Variants in ERC2 observed in about 807,000 individuals in gnomAD.
ERC2 encodes ERC protein 2.
A neutral mutation model predicts 114.8 loss-of-function variants in ERC2; 42 were observed. That is an observed-to-expected ratio of 0.37 (90% confidence interval 0.29 to 0.47). The LOEUF is 0.47. Ranked by LOEUF, ERC2 falls within the 20% of genes least tolerant of loss-of-function variation. The pLI is 0.99. For missense variants in ERC2, 939 were observed against 1,150.7 expected (o/e 0.82, Z 2.66); for synonymous variants, 454 against 425.5 (o/e 1.07, Z -0.82).
intron 4 of ERC2, among the ~76,000 whole-genome samples, chr3:56,169,121 A>G (rs984506177): frequency 6.6e-6 from 1 of 152,080 alleles, no homozygotes; most frequent in South Asian, 2.1e-4. Flanking sequence ...TGGCTTCTTA[A>G]TCCACTTTAG....
chr3:55,972,848 T>C (rs986775229), intron 12 of ERC2, among the ~76,000 whole-genome samples: 5 of 152,044 alleles, frequency 3.3e-5, no homozygotes, highest in East Asian at 3.9e-4. Context: ...TGCAGGTATA[T>C]AGAAAGAAAG....
At chr3:56,032,913 A>AGAGAGAGAGAC (rs1560056241) in intron 7 of ERC2, among the ~76,000 whole-genome samples, 67 of 68,574 alleles carry the variant, frequency 9.8e-4, no homozygotes, top group South Asian at 2.3e-3. Flanking sequence ...GAAAGAAAGA[A>AGAGAGAGAGAC]AGAAAGAAAG....
chr3:56,070,454 A>G (rs2076679773), intron 7 of ERC2, among the ~76,000 whole-genome samples: 1 of 82,858 alleles, frequency 1.2e-5, no homozygotes, highest in Non-Finnish European at 2.6e-5. Context: ...AAGTAATTAT[A>G]AACAAACCTT....
chr3:55,844,558 G>A (rs773904147), intron 14 of ERC2, among the ~76,000 whole-genome samples: 2 of 152,136 alleles, frequency 1.3e-5, no homozygotes, highest in Non-Finnish European at 2.9e-5. Flanking sequence ...GACTAGGAAG[G>A]CAAGACTTCT....
At chr3:56,023,997 A>G (rs1009868469) in intron 7 of ERC2, among the ~76,000 whole-genome samples, 2 of 152,172 alleles carry the variant, frequency 1.3e-5, no homozygotes, top group Non-Finnish European at 2.9e-5. Flanking sequence ...AATATACCCA[A>G]ATGTATCTTT....
rs1560056241 is a variant in ERC2, at chr3:56,032,913, A to AGAG, written c.1642-13883_1642-13882insCTC. Among the ~76,000 whole-genome samples, 205 of 68,552 alleles carry AGAG rather than the reference A, an allele frequency of 3.0e-3. 2 individuals are homozygous for AGAG. Among genetic ancestry groups the AGAG allele is most frequent in the Admixed American group, 0.01 (51 of 4,980 alleles). The allele number at this position is 68,552 out of a possible 152,430, so 45.0% of individuals were successfully genotyped here. A position where few individuals can be genotyped will look rare whatever the true frequency, so the allele number is the denominator to read the frequency against. On this transcript the variant is annotated intron_variant, in intron 7 of 17. Transcript: ENST00000288221. ...AGAGAGAGAGAGACAGAAAGAAAGA[A>AGAG]AGAAAGAAAGAAAGAAAGAAAGAAA...
intron 3 of ERC2, among the ~76,000 whole-genome samples, chr3:56,189,258 G>A (rs1254737640): frequency 6.6e-6 from 1 of 152,214 alleles, no homozygotes; most frequent in African/African-American, 2.4e-5. Context: ...CCAGACCACT[G>A]CTCTCTTCTA....
chr3:55,993,822 T>G (rs897292252), intron 10 of ERC2, among the ~76,000 whole-genome samples: 2 of 152,132 alleles, frequency 1.3e-5, no homozygotes, highest in Non-Finnish European at 1.5e-5. Flanking sequence ...TTATTAAACT[T>G]TTTCAGTACA....
chr3:55,647,031 G>A (rs769286236), intron 17 of ERC2: 11 of 152,158 alleles, frequency 7.2e-5, no homozygotes, highest in Non-Finnish European at 1.3e-4. Flanking sequence ...AGCCTGCCCA[G>A]TTCACCTGCT....
At chr3:55,848,632 A>G (rs1477115474) in intron 14 of ERC2, among the ~76,000 whole-genome samples, 4 of 152,118 alleles carry the variant, frequency 2.6e-5, no homozygotes, top group African/African-American at 9.7e-5. Context: ...CCATTCTCTA[A>G]GCTCACCACA....
intron 14 of ERC2, among the ~76,000 whole-genome samples, chr3:55,799,571 T>A (rs1559675084): frequency 6.6e-6 from 1 of 150,906 alleles, no homozygotes; most frequent in Non-Finnish European, 1.5e-5. Flanking sequence ...TCCACAGAAG[T>A]TCTGGTTTAG....
intron 14 of ERC2, among the ~76,000 whole-genome samples, chr3:55,775,898 G>A (rs915794411): frequency 1.1e-4 from 17 of 152,182 alleles, no homozygotes; most frequent in African/African-American, 4.1e-4. Context: ...TTCCCCAGGG[G>A]CAGTCTGTAT....
chr3:56,221,474 A>C (rs185659481), intron 3 of ERC2, among the ~76,000 whole-genome samples: 2 of 152,232 alleles, frequency 1.3e-5, no homozygotes, highest in Admixed American at 6.5e-5. Flanking sequence ...GATGCTTTAC[A>C]CAGAGTCCTG....
chr3:56,352,253 T>C (rs2058582424), intron 2 of ERC2, among the ~76,000 whole-genome samples: 1 of 152,146 alleles, frequency 6.6e-6, no homozygotes, highest in African/African-American at 2.4e-5. Flanking sequence ...GCTAGAAATA[T>C]TAAAACCTAA....
At chr3:55,827,730 A>G (rs1375130126) in intron 14 of ERC2, among the ~76,000 whole-genome samples, 1 of 152,190 alleles carries the variant, frequency 6.6e-6, no homozygotes, top group Non-Finnish European at 1.5e-5. Flanking sequence ...TTCCCATGGT[A>G]CCTGGGTCCC....
At chr3:56,247,103 A>T (rs1466519105) in intron 3 of ERC2, among the ~76,000 whole-genome samples, 1 of 152,248 alleles carries the variant, frequency 6.6e-6, no homozygotes, top group African/African-American at 2.4e-5. Context: ...TTAAAAAGTA[A>T]GAGATGAGAT....
intron 1 of ERC2, among the ~76,000 whole-genome samples, chr3:56,440,376 T>C (rs2062234691): frequency 6.6e-6 from 1 of 152,122 alleles, no homozygotes; most frequent in African/African-American, 2.4e-5. Flanking sequence ...ACCCCATCTC[T>C]ACTAATAGTA....
intron 17 of ERC2, among the ~76,000 whole-genome samples, chr3:55,537,267 G>A (rs958349989): frequency 6.6e-6 from 1 of 152,222 alleles, no homozygotes; most frequent in African/African-American, 2.4e-5. Context: ...CAAGTTTGCT[G>A]AAAGAACAGT....
rs540609269 is a variant in ERC2, at chr3:55,523,385, G to T, written c.*40-12109C>A. 9.8e-5 allele frequency among the ~76,000 whole-genome samples: 15 copies of T among 152,344 alleles called. 1 individual carries two copies. In the South Asian group the frequency reaches 3.1e-3, roughly 32 times the overall value. ...ACTGCTGGAGGAGGCACATGGCTGGGTCTTCCTTCAGAGCTTTTGCATAGG... is the reference window on the plus strand; with the variant it reads ...ACTGCTGGAGGAGGCACATGGCTGGTTCTTCCTTCAGAGCTTTTGCATAGG... On this transcript the variant is annotated intron_variant, in intron 17 of 17. Transcript: ENST00000288221.
Sources: gnomAD v4.1 joint callset for allele counts (sites outside exome capture counted in the v4.1 genomes callset) on GRCh38, gnomAD v4.1.1 for gene constraint, MANE v1.5 for transcripts, NCBI Gene and HGNC (gene_info 2026-07-23, HGNC 2026-07-21) for gene names.